ZNF469: variants seen among roughly 807,000 people sequenced by gnomAD.
The protein encoded by ZNF469 is zinc finger protein 469.
A neutral mutation model predicts 1.0 loss-of-function variants in ZNF469; 1 was observed. The observed-to-expected ratio is 1.00, with a 90% CI of 0.35 to 4.73. The LOEUF is 4.73. ZNF469 is among the 30% of genes most tolerant of loss of function. The pLI, the probability that ZNF469 is intolerant of heterozygous loss-of-function variation, is 0.16. For synonymous variants in ZNF469, 2,703 were observed against 2,363.4 expected (o/e 1.14, Z -4.17); for missense variants, 6,100 against 5,356.3 (o/e 1.14, Z -4.33).
chr16:88,308,601 T>G, the ZNF469 span, among the ~76,000 whole-genome samples: 1 of 152,146 alleles, frequency 6.6e-6, no homozygotes, highest in African/African-American at 2.4e-5. Context: ...TAGAGCAGGA[T>G]TCCTTCTCTT....
intron 1 of ZNF469, among the ~76,000 whole-genome samples, chr16:88,398,993 C>G (rs1481761704): frequency 6.6e-6 from 1 of 152,230 alleles, no homozygotes; most frequent in Non-Finnish European, 1.5e-5. Flanking sequence ...GATAAGAAAA[C>G]ACAGCATAGA....
chr16:88,423,245 G>GGATGGATA (rs1248479598), intron 1 of ZNF469, among the ~76,000 whole-genome samples: 29 of 151,060 alleles, frequency 1.9e-4, no homozygotes, highest in African/African-American at 7.1e-4. Flanking sequence ...ATGGATGGAT[G>GGATGGATA]GATGGATAGA....
the ZNF469 span, among the ~76,000 whole-genome samples, chr16:88,247,062 AGTGAGTGAC>A: frequency 3.2e-4 from 49 of 151,708 alleles, no homozygotes; most frequent in African/African-American, 1.1e-3. Context: ...TGAGTGATTG[AGTGAGTGAC>A]TGAGTGAGTG....
chr16:88,135,562 C>T, the ZNF469 span, among the ~76,000 whole-genome samples: 1 of 152,060 alleles, frequency 6.6e-6, no homozygotes, highest in African/African-American at 2.4e-5. Flanking sequence ...CACAGGAAGG[C>T]CCCGCACGTT....
chr16:88,412,750 C>T (rs573985888), intron 1 of ZNF469, among the ~76,000 whole-genome samples: 3 of 152,322 alleles, frequency 2.0e-5, no homozygotes, highest in South Asian at 4.1e-4. Context: ...AAATGTGCAG[C>T]CCAGAGAGAA....
chr16:88,116,804 A>G, the ZNF469 span, among the ~76,000 whole-genome samples: 3 of 151,918 alleles, frequency 2.0e-5, no homozygotes, highest in Non-Finnish European at 4.4e-5. Context: ...GTGGTTTGCC[A>G]GGGCTGGGGA....
At chr16:88,251,411 C>T in the ZNF469 span, among the ~76,000 whole-genome samples, 2 of 152,022 alleles carry the variant, frequency 1.3e-5, no homozygotes, top group African/African-American at 4.8e-5. Flanking sequence ...GCTATGTCGG[C>T]AGCAGCTCTG....
At chr16:88,256,303 A>T in the ZNF469 span, among the ~76,000 whole-genome samples, 1 of 152,178 alleles carries the variant, frequency 6.6e-6, no homozygotes, top group Non-Finnish European at 1.5e-5. Flanking sequence ...GGAAGCACAC[A>T]CTACGTAGCT....
chr16:88,209,004 A>T, the ZNF469 span, among the ~76,000 whole-genome samples: 5 of 152,096 alleles, frequency 3.3e-5, no homozygotes, highest in East Asian at 9.7e-4. Flanking sequence ...AACCCACCCC[A>T]CTGTGGAAAC....
chr16:88,186,652 G>C, the ZNF469 span, among the ~76,000 whole-genome samples: 1 of 152,178 alleles, frequency 6.6e-6, no homozygotes, highest in African/African-American at 2.4e-5. Flanking sequence ...CACCTCCCCC[G>C]GCAGAGGATC....
At chr16:88,153,953 C>T in the ZNF469 span, among the ~76,000 whole-genome samples, 1 of 152,026 alleles carries the variant, frequency 6.6e-6, no homozygotes, top group Non-Finnish European at 1.5e-5. Flanking sequence ...TAAGCCCCCT[C>T]CTTAAAGGCC....
rs1003484667 is a variant in ZNF469 at position 88,429,018 on chromosome 16, C to T, written c.1548C>T (p.Gly516=). ...FPAGGPEWQG[G]SQGALGTAGK... ...CGGGGGGCCCCGAGTGGCAGGGGGGCAGCCAAGGAGCCCTGGGCACTGCTG... is the reference window on the plus strand; with the variant it reads ...CGGGGGGCCCCGAGTGGCAGGGGGGTAGCCAAGGAGCCCTGGGCACTGCTG... The change falls in exon 3 of 3, where the codon GGC becomes GGT. Residue 516 remains glycine (G), a synonymous_variant. Coordinates refer to ENST00000565624, the MANE Select transcript of ZNF469 (RefSeq NM_001367624.2). 5.2e-5 allele frequency: 80 copies of T among 1,548,578 alleles called. No homozygotes were observed. Among genetic ancestry groups the T allele is most frequent in the Non-Finnish European group, 6.6e-5 (76 of 1,146,752 alleles).
chr16:88,126,382 A>G, the ZNF469 span, among the ~76,000 whole-genome samples: 1 of 151,662 alleles, frequency 6.6e-6, no homozygotes, highest in African/African-American at 2.4e-5. Flanking sequence ...CCTTGGGGGA[A>G]ACGTCTCGTA....
At chr16:88,318,677 A>G in the ZNF469 span, among the ~76,000 whole-genome samples, 1 of 151,404 alleles carries the variant, frequency 6.6e-6, no homozygotes, top group African/African-American at 2.4e-5. Flanking sequence ...CCGTGGGGAG[A>G]GGACAGAGCT....
chr16:88,382,006 G>A (rs193095951), upstream of ZNF469, among the ~76,000 whole-genome samples: 1 of 152,244 alleles, frequency 6.6e-6, no homozygotes, highest in Non-Finnish European at 1.5e-5. Flanking sequence ...GCTCCCGGGG[G>A]ACCTTTGTCT....
At chr16:88,281,886 G>A in the ZNF469 span, among the ~76,000 whole-genome samples, 1 of 152,260 alleles carries the variant, frequency 6.6e-6, no homozygotes, top group Non-Finnish European at 1.5e-5. Flanking sequence ...TTAGTGCTGT[G>A]CCACACTGAT....
At chr16:88,361,100 A>T in the ZNF469 span, among the ~76,000 whole-genome samples, 4 of 152,212 alleles carry the variant, frequency 2.6e-5, no homozygotes. Flanking sequence ...TATGGGAGAC[A>T]GTGACAGATC....
the ZNF469 span, among the ~76,000 whole-genome samples, chr16:88,121,361 G>C: frequency 6.6e-6 from 1 of 152,170 alleles, no homozygotes. Context: ...TAAAAACATA[G>C]AGTTAAAGAG....
At chr16:88,243,491 T>C in the ZNF469 span, among the ~76,000 whole-genome samples, 1 of 152,330 alleles carries the variant, frequency 6.6e-6, no homozygotes, top group South Asian at 2.1e-4. Context: ...TCTGTAGTCA[T>C]CTGCTGATGG....
Sources: allele counts gnomAD v4.1 joint callset (sites outside exome capture counted in the v4.1 genomes callset), GRCh38; gene constraint gnomAD v4.1.1; transcripts MANE v1.5; gene names NCBI Gene and HGNC (gene_info 2026-07-23, HGNC 2026-07-21).